Variants in ZNF236 observed in about 807,000 individuals in gnomAD.
ZNF236 encodes the protein regulated by glucose.
In ZNF236, 50 loss-of-function variants were observed where a neutral mutation model predicts 191.2. The observed-to-expected ratio is 0.26, with a 90% confidence interval of 0.21 to 0.33. The LOEUF (loss-of-function observed/expected upper bound fraction) is 0.33, where lower values mean the gene tolerates loss of function less well. ZNF236 is among the 10% of genes least tolerant of loss of function. The probability of loss-of-function intolerance (pLI) is 1.00; values close to 1 mark genes in which losing one functional copy is unlikely to be tolerated. For synonymous variants in ZNF236, 907 were observed against 928.8 expected, an observed-to-expected ratio of 0.98 and a Z score of 0.43; for missense variants, 1,754 against 2,374.5, an observed-to-expected ratio of 0.74 and a Z score of 5.43.
Position 76,960,618 on chromosome 18 carries a change from A to G in ZNF236, c.5243-61A>G. 1 of 1,589,392 alleles carries G rather than the reference A, an allele frequency of 6.3e-7. No individual in the cohort carries two copies. Among genetic ancestry groups the G allele is most frequent in the Non-Finnish European group, 8.6e-7 (1 of 1,158,840 alleles). On this transcript the variant is annotated intron_variant, in intron 29 of 30. Transcript: ENST00000320610. This position sits in a 1 kb window ranked among gnomAD's most constrained non-coding sequence, Gnocchi z 4.4. ...GTCCCTCTTGTTCATACCTCAGGGTAGAGCCCAGGCATCCACTATACTTTT... is the reference window on the plus strand; with the variant it reads ...GTCCCTCTTGTTCATACCTCAGGGTGGAGCCCAGGCATCCACTATACTTTT...
rs749175826 is a variant in ZNF236 at position 76,955,978 on chromosome 18, T to A, written c.4915-7T>A. ...AGTGGAAAGTCACAATTTCTGGCTC[T>A]TTCCAGGTAGCTGGCGTCTCTGGGA... is the stretch of plus-strand genomic sequence containing the variant. On this transcript the variant is annotated splice_polypyrimidine_tract_variant and splice_region_variant and intron_variant, in intron 27 of 30. Transcript: ENST00000320610. 3 of 1,605,982 alleles carry A rather than the reference T, an allele frequency of 1.9e-6. No individual in the cohort carries two copies. The highest frequency in any genetic ancestry group is 2.5e-6 in the Non-Finnish European group (3 of 1,177,558).
Position 76,960,612 on chromosome 18 carries a change from C to A in ZNF236, c.5243-67C>A. The stretch of plus-strand genomic sequence containing the variant: ...CATTCAGTCCCTCTTGTTCATACCT[C>A]AGGGTAGAGCCCAGGCATCCACTAT... On this transcript the variant is annotated intron_variant, in intron 29 of 30. Transcript: ENST00000320610. This position sits in a 1 kb window ranked among gnomAD's most constrained non-coding sequence, Gnocchi z 4.4. The A allele has an allele frequency of 6.3e-7, 1 of 1,578,536 alleles. No individual in the cohort carries two copies. Among genetic ancestry groups the A allele is most frequent in the Non-Finnish European group, 8.7e-7 (1 of 1,149,888 alleles).
At chr18:76,873,341 T>C (rs1299252348) in intron 5 of ZNF236, among the ~76,000 whole-genome samples, 9 of 152,218 alleles carry the variant, frequency 5.9e-5, no homozygotes, top group Admixed American at 5.9e-4. Context: ...GAGAGACACA[T>C]GCGTGTAGAA....
chr18:76,883,383 T>A (rs965442222), intron 9 of ZNF236, among the ~76,000 whole-genome samples: 6 of 150,872 alleles, frequency 4.0e-5, no homozygotes, highest in Non-Finnish European at 8.9e-5. Context: ...TTTTTTTTTT[T>A]TTTAAGTGAC....
chr18:76,896,336 G>T (rs867179391), intron 10 of ZNF236, among the ~76,000 whole-genome samples: 2 of 151,422 alleles, frequency 1.3e-5, no homozygotes, highest in South Asian at 4.2e-4. Context: ...TTGCCCACAG[G>T]GACCGCACAC....
chr18:76,909,666 G>C (rs1049671627), intron 14 of ZNF236, among the ~76,000 whole-genome samples: 1 of 152,230 alleles, frequency 6.6e-6, no homozygotes, highest in Admixed American at 6.5e-5. Flanking sequence ...ACACAGGCAT[G>C]TCAGCAAACA....
chr18:76,878,226 A>C, intron 7 of ZNF236, 74 bp downstream of exon 7: 1 of 1,403,872 alleles, frequency 7.1e-7, no homozygotes, highest in Admixed American at 2.3e-5. Flanking sequence ...TTACAATTGA[A>C]TATTTAGTAG....
In ZNF236 at chr18:76,927,937, C is replaced by G; in HGVS notation, c.4425C>G (p.Asp1475Glu). 1 of 1,597,988 alleles carries G rather than the reference C, an allele frequency of 6.3e-7. No individual in the cohort carries two copies. Among genetic ancestry groups the G allele is most frequent in the Non-Finnish European group, 8.5e-7 (1 of 1,171,738 alleles). The change falls in exon 25 of 31, where the codon GAC becomes GAG. Residue 1475 changes from aspartate to glutamate, a missense_variant. Asp to Glu is a conservative substitution (Grantham distance 45, BLOSUM62 2). Transcript: ENST00000320610. This position sits in a 1 kb window ranked among gnomAD's most constrained non-coding sequence, Gnocchi z 5.4. ...VLTTNSSGTQ[D>E]LTQVMTSQGL... ...TGTAATGACAATCAGGGACCCAAGA[C>G]CTCACTCAAGTGATGACTTCGCAAG...
At chr18:76,909,928 A>T (rs946649917) in intron 14 of ZNF236, 140 bp from the exon 15 acceptor site, 1 of 603,896 alleles carries the variant, frequency 1.7e-6, no homozygotes, top group Non-Finnish European at 3.0e-6. Flanking sequence ...ATATGTATGT[A>T]TTAAATTATC....
intron 30 of ZNF236, among the ~76,000 whole-genome samples, chr18:76,961,637 A>G (rs1968670587): frequency 6.6e-6 from 1 of 152,116 alleles, no homozygotes; most frequent in Non-Finnish European, 1.5e-5. Context: ...AGGAATCTCT[A>G]CACTGTTTTC....
At chr18:76,943,057 A>G (rs1464838290) in intron 26 of ZNF236, among the ~76,000 whole-genome samples, 1 of 132,804 alleles carries the variant, frequency 7.5e-6, no homozygotes. Flanking sequence ...CGGGAAGTGG[A>G]GGTTGTAGTA....
rs769917181 is a variant in ZNF236 at position 76,937,183 on chromosome 18, C to G, written c.4622C>G (p.Pro1541Arg). The G allele has an allele frequency of 6.2e-7, 1 of 1,614,086 alleles. No homozygotes were observed. The highest frequency in any genetic ancestry group is 8.5e-7 in the Non-Finnish European group (1 of 1,179,978). Residue 1541 changes from proline (P) to arginine (R), a missense_variant, in exon 26 of 31, where the codon CCT (proline) becomes CGT (arginine). Pro to Arg is a moderately radical substitution (Grantham distance 103, BLOSUM62 -2). Transcript: ENST00000320610. ...SELNTTSGSL[P>R]STTPMSPSAI... Reference sequence around the variant, plus strand: ...CTTAACACTACAAGCGGAAGCCTTCCTTCAACAACACCGATGTCTCCATCG... The same window carrying G: ...CTTAACACTACAAGCGGAAGCCTTCGTTCAACAACACCGATGTCTCCATCG...
Position 76,880,193 on chromosome 18 carries a change from G to A in ZNF236, c.1065G>A (p.Ala355=), listed in dbSNP as rs748176355. 7.4e-6 allele frequency: 12 copies of A among 1,614,138 alleles called. No homozygotes were observed. The highest frequency in any genetic ancestry group is 4.5e-5 in the East Asian group (2 of 44,878). Residue 355 remains alanine (A), a synonymous_variant, in exon 8 of 31, where the codon GCG becomes GCA. Transcript: ENST00000320610. The surrounding 1 kb of genome is among the most constrained non-coding windows in gnomAD (Gnocchi z 5.0). ...TSASSQPSSQ[A]VSDVIQQLLE... ...CCTCAAGCCAGCCGAGCTCCCAGGC[G>A]GTGAGCGACGTCATCCAGCAGCTCC... is the stretch of plus-strand genomic sequence containing the variant.
intron 9 of ZNF236, among the ~76,000 whole-genome samples, chr18:76,882,105 A>G (rs1349322123): frequency 6.6e-6 from 1 of 152,116 alleles, no homozygotes; most frequent in Non-Finnish European, 1.5e-5. Context: ...TAGACATCAT[A>G]CTGAAACTGG....
At chr18:76,890,624 C>T (rs1377891682) in intron 9 of ZNF236, among the ~76,000 whole-genome samples, 1 of 152,096 alleles carries the variant, frequency 6.6e-6, no homozygotes, top group Admixed American at 6.5e-5. Context: ...TTTTACTCAT[C>T]CAATGGGTTA....
chr18:76,920,286 C>T (rs916374463), intron 20 of ZNF236, among the ~76,000 whole-genome samples: 1 of 152,136 alleles, frequency 6.6e-6, no homozygotes, highest in Non-Finnish European at 1.5e-5. Flanking sequence ...CATGGTGGCT[C>T]ACACCTGTAA....
chr18:76,825,053 C>T (rs1232540907), intron 1 of ZNF236, among the ~76,000 whole-genome samples: 1 of 152,254 alleles, frequency 6.6e-6, no homozygotes, highest in East Asian at 1.9e-4. Context: ...GTTGATCGGG[C>T]CTTGTCTGAC....
chr18:76,824,111 A>G, intron 1 of ZNF236: 1 of 568,298 alleles, frequency 1.8e-6, no homozygotes, highest in Non-Finnish European at 3.2e-6. Flanking sequence ...ACTGAGGCTC[A>G]TTAAAGAGCT....
Position 76,915,656 on chromosome 18 carries a change from C to G in ZNF236, c.3071C>G (p.Ala1024Gly), listed in dbSNP as rs376154308. The G allele has an allele frequency of 6.2e-7, 1 of 1,613,676 alleles. No individual in the cohort carries two copies. Among genetic ancestry groups the G allele is most frequent in the Non-Finnish European group, 8.5e-7 (1 of 1,180,024 alleles). The change falls in exon 19 of 31, where the codon GCG (alanine) becomes GGG (glycine). Residue 1024 changes from alanine to glycine, a missense_variant. This residue lies in a region of ZNF236 where 641 missense variants were observed against 869.6 expected (regional missense o/e 0.74). Coordinates refer to ENST00000320610, the MANE Select transcript of ZNF236 (RefSeq NM_001306089.2). The stretch of plus-strand genomic sequence containing the variant: ...GTTTCTGTGCTTGCAGGAGTGAAGG[C>G]GTTCAGCTGCAGTGTGTGCAATGCT... ...SHEKTHTGVK[A>G]FSCSVCNASF...
Sources: gnomAD v4.1 joint callset for allele counts (sites outside exome capture counted in the v4.1 genomes callset) on GRCh38, gnomAD v4.1.1 for gene constraint, gnomAD v4.1.1 regional missense constraint, Gnocchi (gnomAD v3.1) non-coding constraint, MANE v1.5 for transcripts, NCBI Gene and HGNC (gene_info 2026-07-23, HGNC 2026-07-21) for gene names.